The following SULT6B1 variants were observed in gnomAD, a reference collection of about 807,000 sequenced individuals.
The protein encoded by SULT6B1 is sulfotransferase 6B1.
SULT6B1 carries 44 observed loss-of-function variants against 37.2 expected under a neutral mutation model. The ratio of observed to expected loss-of-function variants is 1.18; its 90% confidence interval spans 0.93 to 1.52. The LOEUF is 1.52. Ranked by LOEUF, SULT6B1 falls within the 40% of genes most tolerant of loss-of-function variation. The probability of loss-of-function intolerance (pLI) is 0.00; values close to 1 mark genes in which losing one functional copy is unlikely to be tolerated. For missense variants in SULT6B1, 450 were observed against 361.0 expected (o/e 1.25, Z -2.00); for synonymous variants, 140 against 126.0 (o/e 1.11, Z -0.74).
chr2:37,178,802 T>C (rs559281960), intron 4 of SULT6B1, among the ~76,000 whole-genome samples: 1 of 152,278 alleles, frequency 6.6e-6, no homozygotes, highest in South Asian at 2.1e-4. Context: ...TTTTAAAAAA[T>C]ATTTTTTGTT....
At chr2:37,172,727 C>T (rs1285285340) in intron 5 of SULT6B1, among the ~76,000 whole-genome samples, 3 of 152,124 alleles carry the variant, frequency 2.0e-5, no homozygotes, top group Non-Finnish European at 2.9e-5. Flanking sequence ...AGGCTGGTCT[C>T]GAACTCCTGA....
intron 2 of SULT6B1, among the ~76,000 whole-genome samples, chr2:37,186,738 T>A (rs954423960): frequency 1.3e-5 from 2 of 151,316 alleles, no homozygotes; most frequent in Admixed American, 1.3e-4. Context: ...CAAAAAAAAT[T>A]AAAAAAAATT....
At chr2:37,172,113 C>T (rs1676316958) in intron 5 of SULT6B1, among the ~76,000 whole-genome samples, 1 of 150,742 alleles carries the variant, frequency 6.6e-6, no homozygotes. Flanking sequence ...TGCAAGGGCA[C>T]AATCACGGCT....
upstream of SULT6B1, chr2:37,188,768 A>G (rs138247963): frequency 3.6e-3 from 1,796 of 497,922 alleles, 5 homozygotes; most frequent in Non-Finnish European, 5.6e-3. Flanking sequence ...TTTAATTCTC[A>G]TCCACCCCTC....
chr2:37,176,214 C>T (rs576544261), intron 4 of SULT6B1, among the ~76,000 whole-genome samples: 20 of 150,406 alleles, frequency 1.3e-4, no homozygotes, highest in Non-Finnish European at 2.4e-4. Flanking sequence ...AATTAACACA[C>T]GTCAAATGCT....
At chr2:37,190,030 G>GT (rs1209986877), upstream of SULT6B1, 4 of 152,228 alleles carry the variant, frequency 2.6e-5, no homozygotes, top group African/African-American at 7.2e-5. Context: ...CTCACACTGT[G>GT]TAACAGGCCT....
At chr2:37,169,089 A>G (rs1334878091) in intron 6 of SULT6B1, among the ~76,000 whole-genome samples, 2 of 152,230 alleles carry the variant, frequency 1.3e-5, no homozygotes, top group African/African-American at 4.8e-5. Context: ...ACATTTTTCT[A>G]TGCTTTATGA....
At chr2:37,179,696 T>G (rs906310622) in intron 3 of SULT6B1, 112 bp from the exon 4 acceptor site, 17 of 946,000 alleles carry the variant, frequency 1.8e-5, no homozygotes, top group Non-Finnish European at 2.6e-5. Context: ...ATTGTGTTAA[T>G]ATATAGAGAA....
At chr2:37,183,961 G>T (rs994441028) in intron 2 of SULT6B1, among the ~76,000 whole-genome samples, 1 of 152,000 alleles carries the variant, frequency 6.6e-6, no homozygotes, top group African/African-American at 2.4e-5. Context: ...CTTTATTTCT[G>T]TTTTCTTACT....
intron 6 of SULT6B1, among the ~76,000 whole-genome samples, chr2:37,169,588 C>G (rs1326931728): frequency 2.6e-5 from 4 of 152,114 alleles, no homozygotes; most frequent in Non-Finnish European, 5.9e-5. Flanking sequence ...CTCCCAGGTT[C>G]AAGCAGTTCT....
At chr2:37,172,019 T>C (rs921513828) in intron 5 of SULT6B1, among the ~76,000 whole-genome samples, 11 of 151,662 alleles carry the variant, frequency 7.3e-5, no homozygotes, top group Non-Finnish European at 1.5e-4. Context: ...ATTAAGAAAG[T>C]CTAATTTTTA....
At chr2:37,171,692 A>C in intron 5 of SULT6B1, 102 bp from the exon 6 acceptor site, 1 of 1,013,690 alleles carries the variant, frequency 9.9e-7, no homozygotes, top group Non-Finnish European at 1.4e-6. Context: ...CTAACTCCCT[A>C]GTTCATCTCA....
At chr2:37,175,315 C>A in intron 4 of SULT6B1, 89 bp from the exon 5 acceptor site, 1 of 627,724 alleles carries the variant, frequency 1.6e-6, no homozygotes, top group East Asian at 3.1e-5. Context: ...ATAAACTATA[C>A]ATATGTGTAT....
chr2:37,178,821 T>C (rs1438918220), intron 4 of SULT6B1, among the ~76,000 whole-genome samples: 1 of 152,224 alleles, frequency 6.6e-6, no homozygotes, highest in Admixed American at 6.5e-5. Context: ...TTTTTATCAG[T>C]GTTACATAGT....
At chr2:37,168,341 A>G (rs1676224922) in intron 6 of SULT6B1, among the ~76,000 whole-genome samples, 1 of 152,118 alleles carries the variant, frequency 6.6e-6, no homozygotes, top group Non-Finnish European at 1.5e-5. Flanking sequence ...TATTTTTAGT[A>G]GAGATGGGGT....
In SULT6B1 at chr2:37,181,681, C is replaced by T. The variant is rs191314830; in HGVS notation, c.402+1744G>A. ...ACAGATGTGAGCCACTGCATCCAGC[C>T]CCTGTTGCTCTTTTCTTGCCCTTAT... On this transcript the variant is annotated intron_variant, in intron 3 of 6. Transcript: ENST00000535679. 2.7e-3 allele frequency among the ~76,000 whole-genome samples: 413 copies of T among 152,234 alleles called. 3 individuals are homozygous for T. The highest frequency in any genetic ancestry group is 8.5e-3 in the African/African-American group (352 of 41,542).
At position 37,167,885 on chromosome 2, in the gene SULT6B1, C is replaced by T. The variant is rs1364850090; in HGVS notation, c.*50G>A. 4 of 1,467,418 alleles carry T rather than the reference C, an allele frequency of 2.7e-6. No homozygotes were observed. The highest frequency in any genetic ancestry group is 2.9e-5 in the African/African-American group (2 of 68,416). The allele number at this position is 1,467,418 out of a possible 1,614,324, so 90.9% of individuals were successfully genotyped here. On this transcript the variant is annotated 3_prime_UTR_variant, in exon 7 of 7. Transcript: ENST00000535679. ...TTGAATTATCATTTAATTATTTACA[C>T]TTAATTATTATTAAGGAAAATAAAT...
At chr2:37,171,388 G>A in intron 6 of SULT6B1, 46 bp downstream of exon 6, 1 of 1,582,088 alleles carries the variant, frequency 6.3e-7, no homozygotes, top group Non-Finnish European at 8.6e-7. Flanking sequence ...TGTGTGCAAA[G>A]TCAGTCCCTA....
rs768365631 is a variant in SULT6B1, at chr2:37,187,381, C to T, written c.286G>A (p.Glu96Lys). The T allele has an allele frequency of 2.9e-5, 46 of 1,604,350 alleles. No homozygotes were observed. In the Admixed American group the frequency reaches 4.7e-4, roughly 16 times the overall value. ...KYKYPEFPVL[E>K]CGDSEKYQRM... ...TGATATTTTTCTGAATCCCCACATT[C>T]AAGAACTGGGAATTCTGGATATTTA... The change falls in exon 2 of 7, where the codon GAA (glutamate) becomes AAA (lysine). Residue 96 changes from glutamate (E) to lysine (K), a missense_variant. By Grantham distance (56) the Glu-to-Lys change is moderately conservative. Coordinates refer to ENST00000535679, the MANE Select transcript of SULT6B1 (RefSeq NM_001367551.1).
Sources: gnomAD v4.1 joint callset for allele counts (sites outside exome capture counted in the v4.1 genomes callset) on GRCh38, gnomAD v4.1.1 for gene constraint, MANE v1.5 for transcripts, NCBI Gene and HGNC (gene_info 2026-07-23, HGNC 2026-07-21) for gene names.